The following GRM1 variants were observed in gnomAD, a reference collection of about 807,000 sequenced individuals.
GRM1 encodes the protein glutamate metabotropic receptor 1.
In GRM1, 33 loss-of-function variants were observed where a neutral mutation model predicts 90.9. That is an observed-to-expected ratio of 0.36 (90% CI 0.28 to 0.49). The LOEUF (loss-of-function observed/expected upper bound fraction) is 0.49. Among genes scored for constraint, GRM1 ranks in the 20% least tolerant of loss-of-function variants. The pLI, the probability that GRM1 is intolerant of heterozygous loss-of-function variation, is 0.99. For synonymous variants in GRM1, 700 were observed against 613.2 expected (o/e 1.14, Z -2.09); for missense variants, 1,190 against 1,534.3 (o/e 0.78, Z 3.75).
Position 146,341,827 on chromosome 6 carries a change from C to T in GRM1, c.1187-10423C>T, listed in dbSNP as rs374091302. 3.9e-4 allele frequency among the ~76,000 whole-genome samples: 60 copies of T among 152,274 alleles called. 1 individual carries two copies. In the South Asian group the frequency reaches 9.5e-3, roughly 24 times the overall value. On this transcript the variant is annotated intron_variant, in intron 3 of 7. Coordinates refer to ENST00000282753, the MANE Select transcript of GRM1 (RefSeq NM_001278064.2). Reference sequence around the variant, plus strand: ...TAACGAGAAGCCTTATAGGCATGGGCGCTGCTTCTCTGAGACAATTCCTTG... The same window carrying T: ...TAACGAGAAGCCTTATAGGCATGGGTGCTGCTTCTCTGAGACAATTCCTTG...
intron 3 of GRM1, 67 bp from the exon 4 acceptor site, chr6:146,352,183 G>A: frequency 5.8e-6 from 9 of 1,540,476 alleles, no homozygotes; most frequent in Non-Finnish European, 8.1e-6. Flanking sequence ...AAGCATTTGA[G>A]AATTAAACCT....
chr6:146,341,177 C>T (rs1278592844), intron 3 of GRM1, among the ~76,000 whole-genome samples: 1 of 152,060 alleles, frequency 6.6e-6, no homozygotes, highest in East Asian at 1.9e-4. Context: ...TTGCTCATTC[C>T]TTCAATCTAG....
At chr6:146,209,808 T>G (rs1379987970) in intron 2 of GRM1, among the ~76,000 whole-genome samples, 1 of 152,182 alleles carries the variant, frequency 6.6e-6, no homozygotes, top group Non-Finnish European at 1.5e-5. Context: ...TAGTAGATAC[T>G]TTACTTTCAA....
intron 3 of GRM1, among the ~76,000 whole-genome samples, chr6:146,343,449 A>G (rs1004548949): frequency 6.6e-6 from 1 of 151,610 alleles, no homozygotes; most frequent in African/African-American, 2.4e-5. Flanking sequence ...TCCTGTGTAG[A>G]TTTGTCTTTT....
chr6:146,086,728 A>C lies in GRM1; in HGVS notation c.700+56511A>C, dbSNP rs555059044. 2.6e-5 allele frequency among the ~76,000 whole-genome samples: 4 copies of C among 152,204 alleles called. No individual in the cohort carries two copies. The East Asian group carries it at 7.8e-4, about 29-fold the overall frequency. ...TGACCCTTAGTCTGTCTTCTGGGACAACTGGTAGGCAGTGCAGATATGCAG... is the reference window on the plus strand; with the variant it reads ...TGACCCTTAGTCTGTCTTCTGGGACCACTGGTAGGCAGTGCAGATATGCAG... On this transcript the variant is annotated intron_variant, in intron 1 of 7. Coordinates refer to ENST00000282753, the MANE Select transcript of GRM1 (RefSeq NM_001278064.2).
chr6:146,249,657 T>A (rs1781202282), intron 2 of GRM1, among the ~76,000 whole-genome samples: 1 of 152,104 alleles, frequency 6.6e-6, no homozygotes. Context: ...TAGGACAATA[T>A]AGAGGGAAAA....
chr6:146,230,241 G>A (rs1355048508), intron 2 of GRM1, among the ~76,000 whole-genome samples: 1 of 152,028 alleles, frequency 6.6e-6, no homozygotes, highest in Non-Finnish European at 1.5e-5. Context: ...TTATAGGCTG[G>A]GAGAAAATAT....
At position 146,150,750 on chromosome 6, in the gene GRM1, C is replaced by G. The variant is rs1011478327; in HGVS notation, c.701-8598C>G. On this transcript the variant is annotated intron_variant, in intron 1 of 7. Transcript: ENST00000282753. ...AGCCTCTTCTGACCATCCTTCTACTCTATCTCCATGAGATTTAACTTTTAG... is the reference window on the plus strand; with the variant it reads ...AGCCTCTTCTGACCATCCTTCTACTGTATCTCCATGAGATTTAACTTTTAG... Among the ~76,000 whole-genome samples, 81 of 152,266 alleles carry G rather than the reference C, an allele frequency of 5.3e-4. 1 individual carries two copies. The highest frequency in any genetic ancestry group is 1.8e-4 in the Non-Finnish European group (12 of 68,010).
intron 2 of GRM1, among the ~76,000 whole-genome samples, chr6:146,225,081 G>T (rs1436240785): frequency 6.6e-6 from 1 of 152,024 alleles, no homozygotes. Flanking sequence ...AGCCCTCTAG[G>T]TAGCACTTGT....
Position 146,145,630 on chromosome 6 carries a change from C to G in GRM1, c.701-13718C>G, listed in dbSNP as rs117812961. Among the ~76,000 whole-genome samples, 345 of 152,306 alleles carry G rather than the reference C, an allele frequency of 2.3e-3. 8 individuals carry two copies. The East Asian group carries it at 0.036, about 16-fold the overall frequency. ...GCTGTGGTGGCTTGACATCCTCCAC[C>G]TAGATTCTACAGGATGTCATGGAAA... is the stretch of plus-strand genomic sequence containing the variant. On this transcript the variant is annotated intron_variant, in intron 1 of 7. Coordinates refer to ENST00000282753, the MANE Select transcript of GRM1 (RefSeq NM_001278064.2).
chr6:146,134,619 G>T (rs988658083), intron 1 of GRM1, among the ~76,000 whole-genome samples: 4 of 152,052 alleles, frequency 2.6e-5, no homozygotes, highest in South Asian at 4.1e-4. Context: ...GATCTCTTGA[G>T]AACTCACTCA....
At chr6:146,341,066 T>C (rs2115016031) in intron 3 of GRM1, among the ~76,000 whole-genome samples, 1 of 152,296 alleles carries the variant, frequency 6.6e-6, no homozygotes, top group South Asian at 2.1e-4. Context: ...ACCACTGCAT[T>C]TTGTACCCAG....
intron 7 of GRM1, among the ~76,000 whole-genome samples, chr6:146,417,514 A>G (rs561882586): frequency 1.3e-5 from 2 of 152,308 alleles, no homozygotes; most frequent in African/African-American, 4.8e-5. Context: ...TTGTAATACT[A>G]TGAGAGAAAT....
intron 2 of GRM1, among the ~76,000 whole-genome samples, chr6:146,168,454 T>A (rs182500606): frequency 6.6e-5 from 10 of 152,144 alleles, no homozygotes; most frequent in Admixed American, 1.3e-4. Context: ...AAATACATTG[T>A]TATTTTTGCT....
At chr6:146,422,986 A>G (rs965400203) in intron 7 of GRM1, among the ~76,000 whole-genome samples, 19 of 151,324 alleles carry the variant, frequency 1.3e-4, no homozygotes, top group Admixed American at 3.3e-4. Context: ...GGAGGGAAAG[A>G]AAGGAAGGAA....
chr6:146,053,299 T>G (rs528538754), intron 1 of GRM1, among the ~76,000 whole-genome samples: 1 of 152,242 alleles, frequency 6.6e-6, no homozygotes, highest in African/African-American at 2.4e-5. Flanking sequence ...TTGCCCAACA[T>G]GTCTCCAGAA....
Position 146,178,194 on chromosome 6 carries a change from T to C in GRM1, c.950+18597T>C, listed in dbSNP as rs558079115. On this transcript the variant is annotated intron_variant, in intron 2 of 7. Coordinates refer to ENST00000282753, the MANE Select transcript of GRM1 (RefSeq NM_001278064.2). ...TTGGGTATGACAGTTTCTCAGACTT[T>C]CCTTGCTTTGATGACCTCAATAGTT... Among the ~76,000 whole-genome samples, 15 of 152,310 alleles carry C rather than the reference T, an allele frequency of 9.8e-5. No homozygotes were observed. In the East Asian group the frequency reaches 2.3e-3, roughly 24 times the overall value.
chr6:146,109,174 A>C (rs1022092139), intron 1 of GRM1, among the ~76,000 whole-genome samples: 3 of 152,156 alleles, frequency 2.0e-5, no homozygotes, highest in African/African-American at 7.2e-5. Flanking sequence ...GACAATGGGG[A>C]AAATGTCTCC....
At chr6:146,297,630 C>G (rs1269393605) in intron 2 of GRM1, among the ~76,000 whole-genome samples, 1 of 152,162 alleles carries the variant, frequency 6.6e-6, no homozygotes, top group African/African-American at 2.4e-5. Flanking sequence ...AGATTAGAAT[C>G]ACTTGCACTG....
Sources: allele counts gnomAD v4.1 joint callset (sites outside exome capture counted in the v4.1 genomes callset), GRCh38; gene constraint gnomAD v4.1.1; transcripts MANE v1.5; gene names NCBI Gene and HGNC (gene_info 2026-07-23, HGNC 2026-07-21).